The following CTNNA2 variants were observed in gnomAD, a reference collection of about 807,000 sequenced individuals.
CTNNA2 encodes the protein catenin alpha 2.
CTNNA2 carries 42 observed loss-of-function variants against 101.0 expected under a neutral mutation model. The ratio of observed to expected loss-of-function variants is 0.42; its 90% CI spans 0.32 to 0.54. The LOEUF (loss-of-function observed/expected upper bound fraction) is 0.54. CTNNA2 is among the 20% of genes least tolerant of loss of function. The pLI, the probability that CTNNA2 is intolerant of heterozygous loss-of-function variation, is 0.14. For synonymous variants in CTNNA2, 450 were observed against 456.4 expected, an observed-to-expected ratio of 0.99 and a Z score of 0.18; for missense variants, 871 against 1,223.1, an observed-to-expected ratio of 0.71 and a Z score of 4.29.
chr2:79,263,276 C>T (rs1674946176), intron 2 of CTNNA2, among the ~76,000 whole-genome samples: 1 of 152,112 alleles, frequency 6.6e-6, no homozygotes, highest in Non-Finnish European at 1.5e-5. Context: ...GGGAGCAGAT[C>T]CCTCATGAAT....
At chr2:80,512,800 G>A (rs183057478) in intron 9 of CTNNA2, among the ~76,000 whole-genome samples, 33 of 150,352 alleles carry the variant, frequency 2.2e-4, no homozygotes, top group African/African-American at 4.2e-4. Context: ...TTCTTTCCCC[G>A]TAATCACCTC....
intron 7 of CTNNA2, among the ~76,000 whole-genome samples, chr2:80,087,555 G>T (rs1367574157): frequency 6.6e-6 from 1 of 152,054 alleles, no homozygotes; most frequent in African/African-American, 2.4e-5. Flanking sequence ...AGCCTTCTGG[G>T]TATAGGGAAG....
intron 4 of CTNNA2, among the ~76,000 whole-genome samples, chr2:79,456,113 T>C (rs422478): frequency 0.3 from 45,234 of 150,928 alleles, 6,958 homozygotes; most frequent in South Asian, 0.45. Flanking sequence ...TAAAATTACA[T>C]CTTCAAATTA....
At chr2:79,249,870 C>A (rs1305678815) in intron 2 of CTNNA2, among the ~76,000 whole-genome samples, 2 of 152,306 alleles carry the variant, frequency 1.3e-5, no homozygotes, top group East Asian at 1.9e-4. Flanking sequence ...ACCCCACTAA[C>A]TTTTGCCATT....
chr2:80,490,092 C>A (rs966840396), intron 9 of CTNNA2, among the ~76,000 whole-genome samples: 1 of 152,094 alleles, frequency 6.6e-6, no homozygotes, highest in African/African-American at 2.4e-5. Context: ...TTTGAGTGAA[C>A]CAGCTGCTCT....
At chr2:79,913,561 G>T (rs1685961589) in intron 7 of CTNNA2, among the ~76,000 whole-genome samples, 1 of 152,168 alleles carries the variant, frequency 6.6e-6, no homozygotes, top group South Asian at 2.1e-4. Flanking sequence ...AGGCCACAAA[G>T]GCAAAAGGCG....
In CTNNA2 at chr2:80,229,939, C is replaced by T. The variant is rs530911152; in HGVS notation, c.1057-163272C>T. Among the ~76,000 whole-genome samples, 4 of 152,220 alleles carry T rather than the reference C, an allele frequency of 2.6e-5. No individual in the cohort carries two copies. In the East Asian group the frequency reaches 5.8e-4, roughly 22 times the overall value. On this transcript the variant is annotated intron_variant, in intron 7 of 18. Coordinates refer to ENST00000402739, the MANE Select transcript of CTNNA2 (RefSeq NM_001282597.3). ...CAATGAGGGACTCCATATATGATAG[C>T]GGTGGTCCTATAAGATTACAATACC...
chr2:79,481,885 G>A (rs1031632914), intron 4 of CTNNA2, among the ~76,000 whole-genome samples: 1 of 152,146 alleles, frequency 6.6e-6, no homozygotes, highest in African/African-American at 2.4e-5. Flanking sequence ...TAGAACCAAG[G>A]AGGAGAAGCA....
chr2:80,419,366 G>T, intron 8 of CTNNA2, 83 bp from the exon 9 acceptor site: 1 of 1,103,696 alleles, frequency 9.1e-7, no homozygotes, highest in Non-Finnish European at 1.3e-6. Flanking sequence ...GGTAATGAGA[G>T]CTCAAAAACA....
chr2:79,562,151 C>A, intron 1 of CTNNA2, among the ~76,000 whole-genome samples: 1 of 151,956 alleles, frequency 6.6e-6, no homozygotes, highest in East Asian at 1.9e-4. Context: ...GGTAGGCATC[C>A]AACTACATTC....
chr2:79,573,483 G>A (rs186685261), intron 1 of CTNNA2, among the ~76,000 whole-genome samples: 2 of 152,310 alleles, frequency 1.3e-5, no homozygotes, highest in East Asian at 3.9e-4. Flanking sequence ...TCAAACAGAA[G>A]CCATAGTGAA....
intron 7 of CTNNA2, among the ~76,000 whole-genome samples, chr2:80,180,126 G>T (rs1299842331): frequency 6.6e-6 from 1 of 152,130 alleles, no homozygotes; most frequent in African/African-American, 2.4e-5. Context: ...CAGTTACCCT[G>T]GTAAAAGGCT....
At chr2:80,608,161 A>G in intron 16 of CTNNA2, 23 bp from the exon 17 acceptor site, 1 of 1,591,886 alleles carries the variant, frequency 6.3e-7, no homozygotes. Flanking sequence ...ACTAATCAAG[A>G]TCACTCTTTT....
chr2:80,224,548 G>A (rs1432360536), intron 7 of CTNNA2, among the ~76,000 whole-genome samples: 3 of 151,980 alleles, frequency 2.0e-5, no homozygotes, highest in East Asian at 1.9e-4. Context: ...GGGTTCAAGC[G>A]ATTCTCCTGC....
chr2:79,793,812 C>T (rs1288412271), intron 3 of CTNNA2, among the ~76,000 whole-genome samples: 5 of 151,690 alleles, frequency 3.3e-5, no homozygotes, highest in Admixed American at 3.3e-4. Flanking sequence ...TATTATTGCA[C>T]AAAAATCACT....
At chr2:80,606,405 CACACACA>C (rs1698018659) in intron 16 of CTNNA2, among the ~76,000 whole-genome samples, 1 of 117,076 alleles carries the variant, frequency 8.5e-6, no homozygotes, top group Non-Finnish European at 1.8e-5. Context: ...CACACACACA[CACACACA>C]CCCCCCAGGA....
At chr2:79,219,590 T>TTAGA (rs1408942861) in intron 2 of CTNNA2, among the ~76,000 whole-genome samples, 1 of 152,206 alleles carries the variant, frequency 6.6e-6, no homozygotes, top group Non-Finnish European at 1.5e-5. Flanking sequence ...TTGTGGCCTG[T>TTAGA]TAGAATATGG....
At chr2:79,557,976 T>G (rs1674546734) in intron 1 of CTNNA2, among the ~76,000 whole-genome samples, 1 of 151,950 alleles carries the variant, frequency 6.6e-6, no homozygotes, top group African/African-American at 2.4e-5. Context: ...AATGCATATT[T>G]CACAGCATTG....
At position 80,085,698 on chromosome 2, in the gene CTNNA2, C is replaced by A. The variant is rs374495044; in HGVS notation, c.1056+175901C>A. On this transcript the variant is annotated intron_variant, in intron 7 of 18. Transcript: ENST00000402739. ...TGTCTCTGGATCTTTTTTTCAAGTT[C>A]TCTGGCTTCCCCTATATTGATGAGT... 2.0e-3 allele frequency among the ~76,000 whole-genome samples: 306 copies of A among 151,800 alleles called. 1 individual carries two copies. Among genetic ancestry groups the A allele is most frequent in the African/African-American group, 7.0e-3 (289 of 41,412 alleles).
Sources: gnomAD v4.1 joint callset for allele counts (sites outside exome capture counted in the v4.1 genomes callset) on GRCh38, gnomAD v4.1.1 for gene constraint, MANE v1.5 for transcripts, NCBI Gene and HGNC (gene_info 2026-07-23, HGNC 2026-07-21) for gene names.